Variants in TRPM3 observed in about 807,000 individuals in gnomAD.
TRPM3 encodes long transient receptor potential channel 3.
In TRPM3, 77 loss-of-function variants were observed where a neutral mutation model predicts 181.2. The ratio of observed to expected loss-of-function variants is 0.42; its 90% CI spans 0.35 to 0.51. TRPM3 has a LOEUF of 0.51. Among genes scored for constraint, TRPM3 ranks in the 20% least tolerant of loss-of-function variants. TRPM3 has a pLI of 0.01. For synonymous variants in TRPM3, 745 were observed against 796.4 expected (o/e 0.94, Z 1.09); for missense variants, 1,759 against 2,196.7 (o/e 0.80, Z 3.98).
chr9:70,545,639 C>T (rs1472897395), intron 25 of TRPM3, among the ~76,000 whole-genome samples: 1 of 148,994 alleles, frequency 6.7e-6, no homozygotes, highest in Admixed American at 6.8e-5. Context: ...CTCCACCTCC[C>T]GGGTTCAAGC....
intron 1 of TRPM3, among the ~76,000 whole-genome samples, chr9:71,426,100 T>C (rs1044707982): frequency 6.6e-6 from 1 of 152,184 alleles, no homozygotes; most frequent in Admixed American, 6.5e-5. Flanking sequence ...TTCATCTACT[T>C]GTTTATTGGC....
In TRPM3 at chr9:70,592,687, A is replaced by T. The variant is rs530127693; in HGVS notation, c.3049-1482T>A. ...AAAAAGCCTAATGCTAATTTTATCA[A>T]TGATAATGGAGGCTTCAAATTAGTT... On this transcript the variant is annotated intron_variant, in intron 21 of 25. Coordinates refer to ENST00000677713, the MANE Select transcript of TRPM3 (RefSeq NM_001366145.2). Among the ~76,000 whole-genome samples the T allele has an allele frequency of 3.3e-5, 5 of 152,294 alleles. No individual in the cohort carries two copies. In the South Asian group the frequency reaches 1.0e-3, roughly 32 times the overall value.
chr9:70,787,794 ATTTT>A (rs1377058706), intron 6 of TRPM3, among the ~76,000 whole-genome samples: 1 of 56,870 alleles, frequency 1.8e-5, no homozygotes, highest in Non-Finnish European at 3.5e-5. Flanking sequence ...TTTGCTTTTT[ATTTT>A]TTTATTTTAT....
chr9:71,432,016 C>T (rs1364043596), intron 1 of TRPM3, among the ~76,000 whole-genome samples: 1 of 152,146 alleles, frequency 6.6e-6, no homozygotes, highest in African/African-American at 2.4e-5. Context: ...TGAAGGAGAT[C>T]CTAAACCAAA....
At chr9:71,305,855 A>C (rs868170321) in intron 1 of TRPM3, among the ~76,000 whole-genome samples, 2 of 152,096 alleles carry the variant, frequency 1.3e-5, no homozygotes, top group Non-Finnish European at 2.9e-5. Context: ...GAATTACCTT[A>C]TATTTGGATC....
At chr9:71,302,159 G>A (rs2086838665) in intron 1 of TRPM3, among the ~76,000 whole-genome samples, 1 of 149,506 alleles carries the variant, frequency 6.7e-6, no homozygotes, top group Admixed American at 6.8e-5. Context: ...TGAAACTGTA[G>A]TTTAAAAAAT....
At chr9:71,132,015 A>G (rs1226574363) in intron 1 of TRPM3, among the ~76,000 whole-genome samples, 1 of 152,226 alleles carries the variant, frequency 6.6e-6, no homozygotes, top group Non-Finnish European at 1.5e-5. Flanking sequence ...ACGTAAAGGC[A>G]TATCTCATTT....
intron 7 of TRPM3, among the ~76,000 whole-genome samples, chr9:70,769,589 C>A (rs966234243): frequency 6.6e-6 from 1 of 152,010 alleles, no homozygotes; most frequent in African/African-American, 2.4e-5. Context: ...TATATCAAGA[C>A]ATTGCAGTGT....
chr9:70,836,993 G>C (rs1035379248), intron 5 of TRPM3, among the ~76,000 whole-genome samples: 1 of 152,192 alleles, frequency 6.6e-6, no homozygotes, highest in Non-Finnish European at 1.5e-5. Flanking sequence ...GACTAAGGCA[G>C]TTAGCTCCAA....
intron 1 of TRPM3, among the ~76,000 whole-genome samples, chr9:71,416,786 A>C (rs1244815741): frequency 6.6e-6 from 1 of 151,952 alleles, no homozygotes; most frequent in African/African-American, 2.4e-5. Flanking sequence ...CCACCATAAG[A>C]TACAGAAAGT....
At position 71,404,780 on chromosome 9, in the gene TRPM3, C is replaced by A. The variant is rs111751201; in HGVS notation, c.183+41873G>T. ...CCATGCCTTCCTAGACTCCCTCTAA[C>A]TTCTATGCCCTAATTTCTTCTGCTT... On this transcript the variant is annotated intron_variant, in intron 1 of 24. Coordinates refer to the TRPM3 transcript ENST00000357533. Among the ~76,000 whole-genome samples, 4 of 152,296 alleles carry A rather than the reference C, an allele frequency of 2.6e-5. No individual in the cohort carries two copies. The South Asian group carries it at 8.3e-4, about 32-fold the overall frequency.
intron 19 of TRPM3, among the ~76,000 whole-genome samples, chr9:70,607,173 C>A (rs765586142): frequency 6.6e-6 from 1 of 152,122 alleles, no homozygotes; most frequent in Admixed American, 6.5e-5. Flanking sequence ...AAACTTGCTA[C>A]GATGCAGAAG....
intron 8 of TRPM3, among the ~76,000 whole-genome samples, chr9:70,746,928 C>T (rs997866789): frequency 3.3e-5 from 5 of 152,118 alleles, no homozygotes; most frequent in Non-Finnish European, 7.4e-5. Context: ...AGTGGATGGG[C>T]CTGGATCAAA....
intron 1 of TRPM3, among the ~76,000 whole-genome samples, chr9:70,998,268 T>A (rs1044372595): frequency 4.0e-5 from 6 of 149,558 alleles, no homozygotes; most frequent in African/African-American, 1.5e-4. Flanking sequence ...TATATATATT[T>A]TTTTTAGTAT....
At chr9:71,204,087 T>C (rs1321010641) in intron 1 of TRPM3, among the ~76,000 whole-genome samples, 2 of 151,066 alleles carry the variant, frequency 1.3e-5, no homozygotes, top group Non-Finnish European at 2.9e-5. Flanking sequence ...ACTTAAACAT[T>C]AGACCTAAAA....
intron 22 of TRPM3, among the ~76,000 whole-genome samples, chr9:70,561,323 T>C (rs2049015678): frequency 6.6e-6 from 1 of 152,232 alleles, no homozygotes; most frequent in Admixed American, 6.5e-5. Context: ...TTGATTTAGA[T>C]AACGCTGCCC....
intron 1 of TRPM3, among the ~76,000 whole-genome samples, chr9:70,984,909 C>G (rs1895063): frequency 0.14 from 21,361 of 152,176 alleles, 1,661 homozygotes; most frequent in African/African-American, 0.21. Context: ...TTTTATTTAC[C>G]TTGCAGAATA....
intron 22 of TRPM3, among the ~76,000 whole-genome samples, chr9:70,574,751 C>T (rs1402929397): frequency 1.3e-5 from 2 of 152,108 alleles, no homozygotes. Context: ...AGGTTAGCTG[C>T]CCAGAATGAC....
At chr9:70,828,692 G>T (rs2131702923) in intron 5 of TRPM3, among the ~76,000 whole-genome samples, 1 of 129,814 alleles carries the variant, frequency 7.7e-6, no homozygotes, top group East Asian at 2.1e-4. Flanking sequence ...TTTCAGTGTG[G>T]CCTTCCAGAT....
Sources: allele counts gnomAD v4.1 joint callset (sites outside exome capture counted in the v4.1 genomes callset), GRCh38; gene constraint gnomAD v4.1.1; transcripts MANE v1.5; gene names NCBI Gene and HGNC (gene_info 2026-07-23, HGNC 2026-07-21).